The following ENPP2 variants were observed in gnomAD, a reference collection of about 807,000 sequenced individuals.
ENPP2 encodes autotaxin.
A neutral mutation model predicts 120.2 loss-of-function variants in ENPP2; 51 were observed. The observed-to-expected ratio is 0.42, with a 90% CI of 0.34 to 0.54. ENPP2 has a LOEUF of 0.54. Ranked by LOEUF, ENPP2 falls within the 20% of genes least tolerant of loss-of-function variation. ENPP2 has a pLI of 0.04. For missense variants in ENPP2, 920 were observed against 1,066.5 expected (o/e 0.86, Z 1.91); for synonymous variants, 365 against 366.4 (o/e 1.00, Z 0.04).
chr8:119,662,386 G>A (rs1817946964), intron 1 of ENPP2, among the ~76,000 whole-genome samples: 1 of 151,902 alleles, frequency 6.6e-6, no homozygotes, highest in African/African-American at 2.4e-5. Context: ...TTAGAATCTA[G>A]ACCAATGGGT....
At chr8:119,663,539 A>G (rs1817985986) in intron 1 of ENPP2, among the ~76,000 whole-genome samples, 1 of 152,146 alleles carries the variant, frequency 6.6e-6, no homozygotes, top group Non-Finnish European at 1.5e-5. Flanking sequence ...TAACAGCCCT[A>G]CCTATAGATC....
chr8:119,578,162 T>C (rs1296964738), intron 19 of ENPP2, among the ~76,000 whole-genome samples: 1 of 152,198 alleles, frequency 6.6e-6, no homozygotes, highest in African/African-American at 2.4e-5. Context: ...ACAATTCTCC[T>C]GCCTCAGTCT....
rs1347353936 is a variant in ENPP2 at position 119,562,998 on chromosome 8, A to T, written c.2280T>A (p.Ser760Arg). ...EDKIKQYVEG[S>R]SIPVPTHYYS... is the part of the protein sequence containing the mutation. ...AGTAGTGAGTTGGAACAGGAATGGA[A>T]CTGCCTTCCACGTACCTGAAACAGG... Residue 760 changes from serine to arginine, a missense_variant, in exon 24 of 25, where the codon AGT becomes AGA. By Grantham distance (110) the Ser-to-Arg change is moderately radical. Coordinates refer to ENST00000075322, the MANE Select transcript of ENPP2 (RefSeq NM_001040092.3). 1.2e-6 allele frequency: 2 copies of T among 1,613,380 alleles called. No homozygotes were observed. The highest frequency in any genetic ancestry group is 1.7e-6 in the Non-Finnish European group (2 of 1,179,598).
intron 1 of ENPP2, among the ~76,000 whole-genome samples, chr8:119,645,031 T>C (rs1817401649): frequency 6.6e-6 from 1 of 152,048 alleles, no homozygotes. Flanking sequence ...TTACCAAAAG[T>C]TTTACCCTAG....
chr8:119,560,700 A>T (rs1813859405), intron 24 of ENPP2, among the ~76,000 whole-genome samples: 1 of 152,330 alleles, frequency 6.6e-6, no homozygotes, highest in South Asian at 2.1e-4. Flanking sequence ...AAACGTACGA[A>T]AAAATTCCTA....
intron 18 of ENPP2, 66 bp from the exon 19 acceptor site, chr8:119,580,233 C>T: frequency 7.7e-7 from 1 of 1,293,782 alleles, no homozygotes; most frequent in Non-Finnish European, 1.1e-6. Context: ...CCCTCTGTGC[C>T]CTTCTGTCGA....
chr8:119,557,924 A>G (rs567364089), intron 24 of ENPP2, among the ~76,000 whole-genome samples: 1 of 152,300 alleles, frequency 6.6e-6, no homozygotes, highest in East Asian at 1.9e-4. Context: ...TACCAAATAA[A>G]CGAGACATGT....
intron 2 of ENPP2, among the ~76,000 whole-genome samples, chr8:119,627,196 A>T (rs1474718544): frequency 6.6e-6 from 1 of 152,178 alleles, no homozygotes; most frequent in Admixed American, 6.5e-5. Context: ...TTCAGCTCAA[A>T]TGTTCCAAGA....
chr8:119,654,763 T>C (rs939878687), intron 1 of ENPP2, among the ~76,000 whole-genome samples: 1 of 152,164 alleles, frequency 6.6e-6, no homozygotes, highest in Non-Finnish European at 1.5e-5. Context: ...CAGCAAAGGC[T>C]AGGTGGTGGT....
intron 1 of ENPP2, among the ~76,000 whole-genome samples, chr8:119,666,413 G>T (rs1818070420): frequency 6.6e-6 from 1 of 151,804 alleles, no homozygotes; most frequent in South Asian, 2.1e-4. Flanking sequence ...TTAGGGAAAG[G>T]GCTCAAAAAA....
rs1170849988 is a variant in ENPP2 at position 119,557,535 on chromosome 8, C to T, written c.2578G>A (p.Glu860Lys). The T allele has an allele frequency of 1.2e-6, 2 of 1,612,870 alleles. No individual in the cohort carries two copies. Among genetic ancestry groups the T allele is most frequent in the South Asian group, 1.1e-5 (1 of 90,954 alleles). The change falls in exon 25 of 25, where the codon GAG (glutamate) becomes AAG (lysine). Residue 860 changes from glutamate to lysine, a missense_variant. Physicochemically the swap from Glu to Lys is moderately conservative, Grantham distance 56. Transcript: ENST00000075322. ...TGCTCAGAAAGTTAAATCTCGCTCT[C>T]ATATGTATGCAGGTATGTCTTGAGT... ...LTLKTYLHTY[E>K]SEI
intron 8 of ENPP2, among the ~76,000 whole-genome samples, chr8:119,610,304 C>T (rs1360939509): frequency 1.3e-5 from 2 of 151,992 alleles, no homozygotes; most frequent in Non-Finnish European, 2.9e-5. Flanking sequence ...CTGCCTGTTT[C>T]TTGGTAAAAG....
intron 2 of ENPP2, among the ~76,000 whole-genome samples, chr8:119,634,865 A>G (rs918764936): frequency 6.6e-6 from 1 of 152,228 alleles, no homozygotes; most frequent in Non-Finnish European, 1.5e-5. Flanking sequence ...CAGTTTTCAG[A>G]TAGATGAAAA....
chr8:119,637,214 G>C (rs1476286975), intron 2 of ENPP2, among the ~76,000 whole-genome samples: 1 of 152,060 alleles, frequency 6.6e-6, no homozygotes, highest in African/African-American at 2.4e-5. Context: ...GAGAGCATTT[G>C]CTGCAAATAA....
chr8:119,656,137 C>T (rs1396601389), intron 1 of ENPP2, among the ~76,000 whole-genome samples: 1 of 152,122 alleles, frequency 6.6e-6, no homozygotes, highest in Non-Finnish European at 1.5e-5. Context: ...CCTATGGCCT[C>T]ATGTAATAAA....
At chr8:119,571,084 CT>C in intron 19 of ENPP2, 12 of 301,098 alleles carry the variant, frequency 4.0e-5, no homozygotes, top group East Asian at 1.1e-4. Context: ...TTACAGAATG[CT>C]TTTTTTAGTT....
chr8:119,563,650 C>T (rs946305444), intron 23 of ENPP2, among the ~76,000 whole-genome samples: 8 of 152,090 alleles, frequency 5.3e-5, no homozygotes, highest in African/African-American at 1.9e-4. Context: ...GAGATCAGTA[C>T]AGAAATTCAT....
intron 2 of ENPP2, 104 bp from the exon 3 acceptor site, chr8:119,626,824 G>C: frequency 4.8e-6 from 5 of 1,034,828 alleles, no homozygotes; most frequent in South Asian, 1.5e-5. Context: ...GTGGACTCTG[G>C]AGGAGAACAC....
At chr8:119,565,076 G>A in intron 22 of ENPP2, 121 bp from the exon 23 acceptor site, 1 of 758,238 alleles carries the variant, frequency 1.3e-6, no homozygotes, top group Non-Finnish European at 2.1e-6. Context: ...CAAGAGAGCT[G>A]TCGTGATTCA....
Sources: allele counts gnomAD v4.1 joint callset (sites outside exome capture counted in the v4.1 genomes callset), GRCh38; gene constraint gnomAD v4.1.1; transcripts MANE v1.5; gene names NCBI Gene and HGNC (gene_info 2026-07-23, HGNC 2026-07-21).